PAPPA2: variants seen among roughly 807,000 people sequenced by gnomAD.
PAPPA2 encodes pappalysin-2.
Under a neutral mutation model 176.4 loss-of-function variants are expected in PAPPA2, and 86 were observed. The observed-to-expected ratio is 0.49, with a 90% confidence interval of 0.41 to 0.58. The LOEUF (loss-of-function observed/expected upper bound fraction) is 0.58, where lower values mean the gene tolerates loss of function less well. PAPPA2 is among the 20% of genes least tolerant of loss of function. The pLI is 0.00. For synonymous variants in PAPPA2, 809 were observed against 852.2 expected (o/e 0.95, Z 0.88); for missense variants, 2,073 against 2,256.9 (o/e 0.92, Z 1.65).
chr1:176,484,357 C>G (rs1438640307), intron 1 of PAPPA2, among the ~76,000 whole-genome samples: 1 of 152,094 alleles, frequency 6.6e-6, no homozygotes, highest in Admixed American at 6.5e-5. Flanking sequence ...TCTTACTATT[C>G]TCTGAGCTTC....
intron 19 of PAPPA2, among the ~76,000 whole-genome samples, chr1:176,793,337 C>T (rs1665268040): frequency 6.6e-6 from 1 of 152,100 alleles, no homozygotes; most frequent in Non-Finnish European, 1.5e-5. Flanking sequence ...GGGACACCTG[C>T]AGCAAGTTGA....
At chr1:176,796,616 T>TTTC (rs140793672) in intron 20 of PAPPA2, among the ~76,000 whole-genome samples, 17 of 116,500 alleles carry the variant, frequency 1.5e-4, no homozygotes, top group African/African-American at 2.2e-4. Context: ...TTTTCTTTTC[T>TTTC]TTTCTTTCTT....
chr1:176,482,678 G>T (rs766313221), intron 1 of PAPPA2, among the ~76,000 whole-genome samples: 5 of 152,062 alleles, frequency 3.3e-5, no homozygotes, highest in Non-Finnish European at 5.9e-5. Flanking sequence ...TACCTTTTTG[G>T]TGGCAAGATG....
chr1:176,623,567 CT>C (rs911540773), intron 3 of PAPPA2, among the ~76,000 whole-genome samples: 5 of 83,558 alleles, frequency 6.0e-5, no homozygotes, highest in African/African-American at 2.4e-4. Context: ...CCCTTCCTTC[CT>C]TCCTTCCCTC....
At chr1:176,674,482 G>A (rs571383424) in intron 4 of PAPPA2, among the ~76,000 whole-genome samples, 1 of 152,064 alleles carries the variant, frequency 6.6e-6, no homozygotes, top group South Asian at 2.1e-4. Flanking sequence ...TAATAGTTTA[G>A]CTCCCACTTA....
At chr1:176,806,381 A>G (rs984540164) in intron 21 of PAPPA2, among the ~76,000 whole-genome samples, 1 of 152,212 alleles carries the variant, frequency 6.6e-6, no homozygotes, top group African/African-American at 2.4e-5. Context: ...AAAGACAGAG[A>G]TGGAAAGTTG....
intron 3 of PAPPA2, among the ~76,000 whole-genome samples, chr1:176,611,523 A>C (rs1238121497): frequency 6.6e-6 from 1 of 152,196 alleles, no homozygotes; most frequent in Admixed American, 6.5e-5. Context: ...AAAAGTCATC[A>C]TCCCTAATTC....
rs200229661 is a variant in PAPPA2 at position 176,564,726 on chromosome 1, T to C, written c.919+7485T>C. On this transcript the variant is annotated intron_variant, in intron 2 of 22. Transcript: ENST00000367662. ...TATATTTATTTCTTTCCTTTTCTTT[T>C]TTTTTTTTTTTTTAGAAAAAAGCAT... Among the ~76,000 whole-genome samples, 350 of 150,834 alleles carry C rather than the reference T, an allele frequency of 2.3e-3. 1 individual carries two copies. The highest frequency in any genetic ancestry group is 7.1e-3 in the African/African-American group (292 of 40,868).
intron 14 of PAPPA2, among the ~76,000 whole-genome samples, chr1:176,760,644 T>C (rs538707539): frequency 3.4e-4 from 52 of 152,246 alleles, no homozygotes; most frequent in African/African-American, 1.2e-3. Flanking sequence ...CAAGTACAGT[T>C]ATCATTCACA....
chr1:176,841,442 C>G (rs2102993708), intron 22 of PAPPA2, among the ~76,000 whole-genome samples: 1 of 152,214 alleles, frequency 6.6e-6, no homozygotes, highest in African/African-American at 2.4e-5. Context: ...CCCACCCATT[C>G]TCCTACCCAC....
intron 2 of PAPPA2, among the ~76,000 whole-genome samples, chr1:176,579,089 C>T (rs1652814113): frequency 6.6e-6 from 1 of 152,140 alleles, no homozygotes; most frequent in African/African-American, 2.4e-5. Context: ...TGACTCCATT[C>T]TGTCAAAACC....
chr1:176,699,090 C>A lies in PAPPA2; in HGVS notation c.2747-10C>A. 1.3e-6 allele frequency: 2 copies of A among 1,599,256 alleles called. No individual in the cohort carries two copies. Among genetic ancestry groups the A allele is most frequent in the South Asian group, 1.1e-5 (1 of 89,820 alleles). On this transcript the variant is annotated splice_polypyrimidine_tract_variant and intron_variant, in intron 7 of 22. Coordinates refer to ENST00000367662, the MANE Select transcript of PAPPA2 (RefSeq NM_020318.3). The stretch of plus-strand genomic sequence containing the variant: ...GCTACTGATGTATCTTTCTGCTAAT[C>A]TCCCCCCAGGGCCTCCTGATGTGGA...
intron 1 of PAPPA2, among the ~76,000 whole-genome samples, chr1:176,474,650 A>T (rs1443875122): frequency 1.3e-5 from 2 of 152,216 alleles, no homozygotes; most frequent in African/African-American, 4.8e-5. Flanking sequence ...TTTAGTTCCT[A>T]TCCAAGACTC....
intron 2 of PAPPA2, among the ~76,000 whole-genome samples, chr1:176,588,498 T>C (rs1653459844): frequency 1.3e-5 from 2 of 152,196 alleles, no homozygotes; most frequent in African/African-American, 4.8e-5. Flanking sequence ...CTTATTTCTA[T>C]AGATGGGTCT....
intron 3 of PAPPA2, among the ~76,000 whole-genome samples, chr1:176,637,368 G>A (rs1269760940): frequency 6.6e-6 from 1 of 152,168 alleles, no homozygotes; most frequent in African/African-American, 2.4e-5. Flanking sequence ...TGCAGGATGG[G>A]TTGGAGGAAG....
intron 1 of PAPPA2, among the ~76,000 whole-genome samples, chr1:176,489,360 C>T (rs1180310030): frequency 6.6e-6 from 1 of 152,188 alleles, no homozygotes; most frequent in African/African-American, 2.4e-5. Flanking sequence ...CATAGAGGAG[C>T]TTCCCAAGGG....
At chr1:176,674,460 G>A (rs923974421) in intron 4 of PAPPA2, among the ~76,000 whole-genome samples, 2 of 151,966 alleles carry the variant, frequency 1.3e-5, no homozygotes, top group Admixed American at 6.6e-5. Flanking sequence ...TCATTCTTAT[G>A]TCTTTACATC....
intron 3 of PAPPA2, among the ~76,000 whole-genome samples, chr1:176,619,606 A>G (rs548721595): frequency 2.0e-5 from 3 of 152,352 alleles, no homozygotes; most frequent in Non-Finnish European, 2.9e-5. Context: ...AAATAAGTAT[A>G]CACTGTTCAG....
intron 19 of PAPPA2, among the ~76,000 whole-genome samples, chr1:176,792,307 A>T (rs1374939988): frequency 6.6e-6 from 1 of 152,174 alleles, no homozygotes; most frequent in African/African-American, 2.4e-5. Context: ...TTGTAAGATT[A>T]CTCCTAAATT....
Sources: allele counts gnomAD v4.1 joint callset (sites outside exome capture counted in the v4.1 genomes callset), GRCh38; gene constraint gnomAD v4.1.1; transcripts MANE v1.5; gene names NCBI Gene and HGNC (gene_info 2026-07-23, HGNC 2026-07-21).